Variants in FLT3 observed in about 807,000 individuals in gnomAD.
FLT3 encodes the protein receptor-type tyrosine-protein kinase FLT3.
A neutral mutation model predicts 126.6 loss-of-function variants in FLT3; 46 were observed. The observed-to-expected ratio is 0.36, with a 90% CI of 0.29 to 0.46. The LOEUF (loss-of-function observed/expected upper bound fraction) is 0.46. FLT3 is among the 20% of genes least tolerant of loss of function. The probability of loss-of-function intolerance (pLI) is 1.00; values close to 1 mark genes in which losing one functional copy is unlikely to be tolerated. For synonymous variants in FLT3, 404 were observed against 434.4 expected (o/e 0.93, Z 0.87); for missense variants, 1,069 against 1,190.3 (o/e 0.90, Z 1.50).
chr13:28,023,538 T>G (rs994386506), intron 18 of FLT3, 61 bp from the exon 19 acceptor site: 11 of 1,586,124 alleles, frequency 6.9e-6, no homozygotes, highest in Non-Finnish European at 9.5e-6. Flanking sequence ...TTATTAAATC[T>G]CTATGGGAAG....
intron 23 of FLT3, among the ~76,000 whole-genome samples, chr13:28,010,742 C>T (rs1265231405): frequency 6.6e-6 from 1 of 152,196 alleles, no homozygotes; most frequent in African/African-American, 2.4e-5. Flanking sequence ...CATGGTGGCT[C>T]ATGCCTGTAA....
chr13:28,022,627 A>G (rs1043007133), intron 19 of FLT3, among the ~76,000 whole-genome samples: 2 of 152,090 alleles, frequency 1.3e-5, no homozygotes, highest in Admixed American at 1.3e-4. Context: ...GGAGGAGGAG[A>G]TTAGAAGACT....
At chr13:28,071,608 A>G (rs1877521891) in intron 1 of FLT3, among the ~76,000 whole-genome samples, 1 of 152,102 alleles carries the variant, frequency 6.6e-6, no homozygotes, top group African/African-American at 2.4e-5. Flanking sequence ...CTGAGCGTCT[A>G]TCCTAAGCTC....
intron 12 of FLT3, 107 bp from the exon 13 acceptor site, chr13:28,034,514 T>C (rs1873656319): frequency 1.2e-6 from 1 of 802,380 alleles, no homozygotes. Flanking sequence ...GTAATAATCA[T>C]TTTCAGTCCT....
At chr13:28,089,156 ACTG>A (rs1878870179) in intron 1 of FLT3, among the ~76,000 whole-genome samples, 1 of 152,234 alleles carries the variant, frequency 6.6e-6, no homozygotes, top group Non-Finnish European at 1.5e-5. Context: ...ACATTGCTAC[ACTG>A]CTATTAGAAT....
At chr13:28,020,369 G>C (rs1196697596) in intron 19 of FLT3, among the ~76,000 whole-genome samples, 1 of 151,870 alleles carries the variant, frequency 6.6e-6, no homozygotes, top group Admixed American at 6.6e-5. Context: ...TTTATTTTTT[G>C]AGAAAGTCTC....
chr13:28,098,001 T>C (rs1433947644), intron 1 of FLT3, among the ~76,000 whole-genome samples: 4 of 152,148 alleles, frequency 2.6e-5, no homozygotes, highest in African/African-American at 9.7e-5. Context: ...GCTTCATCAT[T>C]ATTCATAAAT....
intron 22 of FLT3, 93 bp downstream of exon 22, chr13:28,015,064 C>G: frequency 2.7e-6 from 2 of 743,570 alleles, no homozygotes; most frequent in East Asian, 5.4e-5. Context: ...ACGCTTTGCA[C>G]TAAGGAGTTT....
intron 2 of FLT3, among the ~76,000 whole-genome samples, chr13:28,068,740 G>T (rs945771715): frequency 1.1e-4 from 16 of 152,000 alleles, no homozygotes; most frequent in East Asian, 3.9e-4. Flanking sequence ...TAATTTTTTT[G>T]TTGTTGTTGT....
chr13:28,083,690 A>G (rs1878471822), intron 1 of FLT3, among the ~76,000 whole-genome samples: 1 of 152,112 alleles, frequency 6.6e-6, no homozygotes, highest in South Asian at 2.1e-4. Flanking sequence ...TAGCTTATCA[A>G]TTTTTCTTGA....
chr13:28,019,779 G>A (rs192024788), intron 19 of FLT3, among the ~76,000 whole-genome samples: 12 of 152,146 alleles, frequency 7.9e-5, no homozygotes, highest in Admixed American at 5.9e-4. Flanking sequence ...AGCCCCTCCC[G>A]CTTCTGGTCC....
At position 28,073,409 on chromosome 13, in the gene FLT3, C is replaced by G. The variant is rs1877703252; in HGVS notation, c.44-2797G>C. On this transcript the variant is annotated intron_variant, in intron 1 of 23. Transcript: ENST00000241453. Reference sequence around the variant, plus strand: ...CACTTGAGTGGTCTGTAGATAGCGACAGGAGGTAATATATGTGTCCAGCCA... The same window carrying G: ...CACTTGAGTGGTCTGTAGATAGCGAGAGGAGGTAATATATGTGTCCAGCCA... The G allele has an allele frequency of 6.8e-6, 3 of 443,328 alleles. No individual in the cohort carries two copies. The Admixed American group carries it at 7.7e-5, about 11-fold the overall frequency. The allele number at this position is 443,328 out of a possible 1,614,324, so 27.5% of individuals were successfully genotyped here.
chr13:28,093,001 A>G (rs1879220726), intron 1 of FLT3, among the ~76,000 whole-genome samples: 1 of 138,748 alleles, frequency 7.2e-6, no homozygotes, highest in South Asian at 2.3e-4. Context: ...GGCTCGCTGC[A>G]ACCTCCACAT....
chr13:28,088,584 C>CTTTTT (rs34680883), intron 1 of FLT3, among the ~76,000 whole-genome samples: 8 of 103,340 alleles, frequency 7.7e-5, no homozygotes, highest in South Asian at 3.4e-4. Flanking sequence ...CATCCAAAAC[C>CTTTTT]TTTTTTTTTT....
Position 28,100,172 on chromosome 13 carries a change from G to A in FLT3, c.43+296C>T, listed in dbSNP as rs1255040721. On this transcript the variant is annotated intron_variant, in intron 1 of 23. Transcript: ENST00000241453. This position sits in a 1 kb window ranked among gnomAD's most constrained non-coding sequence, Gnocchi z 4.8. Reference sequence around the variant, plus strand: ...CGAGCTGCCCCAGACCCGGCGCAGCGCCTCGGCGAGGCCGTCTGCGAAGTC... The same window carrying A: ...CGAGCTGCCCCAGACCCGGCGCAGCACCTCGGCGAGGCCGTCTGCGAAGTC... 1.3e-5 allele frequency among the ~76,000 whole-genome samples: 2 copies of A among 152,050 alleles called. No homozygotes were observed. Among genetic ancestry groups the A allele is most frequent in the South Asian group, 2.1e-4 (1 of 4,830 alleles).
chr13:28,035,431 G>A (rs987791465), intron 12 of FLT3, 64 bp downstream of exon 12: 8 of 1,468,972 alleles, frequency 5.4e-6, no homozygotes, highest in African/African-American at 4.2e-5. Context: ...AAAAGTCAGC[G>A]ATGGGGACTA....
At chr13:28,061,815 C>T (rs370472186) in intron 3 of FLT3, 52 bp downstream of exon 3, 558 of 1,454,616 alleles carry the variant, frequency 3.8e-4, no homozygotes, top group Non-Finnish European at 5.2e-4. Flanking sequence ...AAACTTGAAA[C>T]AAAATTCCAA....
chr13:28,020,962 ATAT>A (rs1872333853), intron 19 of FLT3, among the ~76,000 whole-genome samples: 1 of 152,154 alleles, frequency 6.6e-6, no homozygotes, highest in Non-Finnish European at 1.5e-5. Context: ...TCAAAAATTC[ATAT>A]TATTACAAGC....
intron 1 of FLT3, among the ~76,000 whole-genome samples, chr13:28,072,415 G>A (rs12100232): frequency 6.6e-6 from 1 of 151,242 alleles, no homozygotes; most frequent in Non-Finnish European, 1.5e-5. Context: ...TTTTTAAATT[G>A]AGACAGAGTC....
Sources: allele counts gnomAD v4.1 joint callset (sites outside exome capture counted in the v4.1 genomes callset), GRCh38; gene constraint gnomAD v4.1.1; non-coding constraint Gnocchi (gnomAD v3.1); transcripts MANE v1.5; gene names NCBI Gene and HGNC (gene_info 2026-07-23, HGNC 2026-07-21).